GPHN: variants seen among roughly 807,000 people sequenced by gnomAD.
The protein encoded by GPHN is gephyrin.
GPHN carries 17 observed loss-of-function variants against 95.5 expected under a neutral mutation model. The ratio of observed to expected loss-of-function variants is 0.18; its 90% CI spans 0.12 to 0.27. GPHN has a LOEUF of 0.27. Among genes scored for constraint, GPHN ranks in the 10% least tolerant of loss-of-function variants. The pLI, the probability that GPHN is intolerant of heterozygous loss-of-function variation, is 1.00. For missense variants in GPHN, 660 were observed against 978.1 expected (o/e 0.67, Z 4.34); for synonymous variants, 320 against 322.5 (o/e 0.99, Z 0.08).
chr14:67,046,900 A>G (rs1319333092), intron 10 of GPHN, among the ~76,000 whole-genome samples: 1 of 152,184 alleles, frequency 6.6e-6, no homozygotes, highest in Non-Finnish European at 1.5e-5. Context: ...TGCTTTGTAT[A>G]TCTGAACACA....
At chr14:66,860,755 G>T (rs2062992385) in intron 4 of GPHN, among the ~76,000 whole-genome samples, 1 of 151,970 alleles carries the variant, frequency 6.6e-6, no homozygotes, top group African/African-American at 2.4e-5. Context: ...TTAAAGTGTA[G>T]CATTTTTATG....
chr14:66,680,202 C>T (rs958339372), intron 1 of GPHN, among the ~76,000 whole-genome samples: 4 of 152,180 alleles, frequency 2.6e-5, no homozygotes, highest in Admixed American at 1.3e-4. Flanking sequence ...TATTTATATA[C>T]TGTAAAATTG....
chr14:66,673,573 A>G (rs1382443343), intron 1 of GPHN, among the ~76,000 whole-genome samples: 1 of 152,250 alleles, frequency 6.6e-6, no homozygotes, highest in East Asian at 1.9e-4. Context: ...ACATGTGTAT[A>G]TAAGCCTACA....
intron 17 of GPHN, among the ~76,000 whole-genome samples, chr14:67,137,366 CGATCTCCTGACCTCGT>C (rs1046996998): frequency 2.7e-4 from 41 of 151,894 alleles, no homozygotes; most frequent in African/African-American, 9.6e-4. Flanking sequence ...AGAATGGTCC[CGATCTCCTGACCTCGT>C]GATCCACCTG....
chr14:66,885,161 T>C (rs2064126495), intron 5 of GPHN, among the ~76,000 whole-genome samples: 1 of 152,090 alleles, frequency 6.6e-6, no homozygotes, highest in Non-Finnish European at 1.5e-5. Context: ...ACTATCATCT[T>C]AAAGAGTTTC....
chr14:67,022,716 C>G (rs535650980), intron 9 of GPHN, among the ~76,000 whole-genome samples: 1 of 149,718 alleles, frequency 6.7e-6, no homozygotes, highest in East Asian at 2.0e-4. Flanking sequence ...TGCAACATTC[C>G]TTTCATAAGT....
chr14:67,647,738 C>T, the GPHN span: 50 of 242,112 alleles, frequency 2.1e-4, no homozygotes, highest in African/African-American at 1.0e-3. Flanking sequence ...GAAGAAATCT[C>T]TCTATTGACA....
At chr14:67,007,219 T>G (rs953451177) in intron 9 of GPHN, among the ~76,000 whole-genome samples, 1 of 152,200 alleles carries the variant, frequency 6.6e-6, no homozygotes, top group Admixed American at 6.5e-5. Context: ...AGTTTCACCT[T>G]GAAAATATAA....
the GPHN span, among the ~76,000 whole-genome samples, chr14:67,446,871 A>G: frequency 6.6e-6 from 1 of 152,188 alleles, no homozygotes; most frequent in Non-Finnish European, 1.5e-5. Flanking sequence ...TTTGTAAAAG[A>G]AAGTTTTTTT....
At chr14:66,867,453 A>T (rs2063269930) in intron 4 of GPHN, among the ~76,000 whole-genome samples, 1 of 152,158 alleles carries the variant, frequency 6.6e-6, no homozygotes, top group Non-Finnish European at 1.5e-5. Flanking sequence ...ATGAGAAAAA[A>T]ATAGATTTAT....
the GPHN span, among the ~76,000 whole-genome samples, chr14:67,192,939 G>T: frequency 1.2e-4 from 17 of 143,358 alleles, no homozygotes; most frequent in Non-Finnish European, 1.8e-4. Context: ...TAGATATCTA[G>T]ATAAATATCT....
chr14:66,639,835 A>G (rs1191875033), intron 1 of GPHN, among the ~76,000 whole-genome samples: 1 of 152,160 alleles, frequency 6.6e-6, no homozygotes. Flanking sequence ...ACAAATTTTA[A>G]CAGATATATA....
At chr14:66,842,125 T>C (rs1343175613) in intron 4 of GPHN, among the ~76,000 whole-genome samples, 1 of 145,826 alleles carries the variant, frequency 6.9e-6, no homozygotes, top group African/African-American at 2.6e-5. Context: ...TAGACTTCAG[T>C]AGGAAAATCT....
the GPHN span, among the ~76,000 whole-genome samples, chr14:67,275,970 C>T: frequency 6.6e-6 from 1 of 152,020 alleles, no homozygotes; most frequent in African/African-American, 2.4e-5. Flanking sequence ...GGTGATACCC[C>T]CTTTATCATT....
the GPHN span, among the ~76,000 whole-genome samples, chr14:67,265,466 G>C: frequency 2.0e-5 from 3 of 152,278 alleles, no homozygotes; most frequent in Middle Eastern, 6.8e-3. Context: ...TGAGGTGGGA[G>C]GGTTGCATGA....
the GPHN span, among the ~76,000 whole-genome samples, chr14:67,627,759 A>G: frequency 6.6e-6 from 1 of 152,246 alleles, no homozygotes; most frequent in South Asian, 2.1e-4. Flanking sequence ...ATGTAGCAAG[A>G]CCCCATCTCT....
At chr14:67,578,691 G>C in the GPHN span, 5 of 1,058,742 alleles carry the variant, frequency 4.7e-6, no homozygotes, top group Non-Finnish European at 7.2e-6. The surrounding 1 kb of genome is among the most constrained non-coding windows in gnomAD (Gnocchi z 5.0). Context: ...GCATGAATAA[G>C]AGGGATGAGA....
chr14:66,597,427 G>A (rs2062029721), intron 1 of GPHN, among the ~76,000 whole-genome samples: 1 of 152,204 alleles, frequency 6.6e-6, no homozygotes, highest in Non-Finnish European at 1.5e-5. Context: ...GGAGGGGGCT[G>A]AGGCAGCATG....
intron 5 of GPHN, among the ~76,000 whole-genome samples, chr14:66,883,601 A>G (rs1405151872): frequency 6.6e-6 from 1 of 152,104 alleles, no homozygotes; most frequent in East Asian, 1.9e-4. Context: ...CATTTTGAAC[A>G]CTGCATTGTA....
Sources: allele counts gnomAD v4.1 joint callset (sites outside exome capture counted in the v4.1 genomes callset), GRCh38; gene constraint gnomAD v4.1.1; non-coding constraint Gnocchi (gnomAD v3.1); transcripts MANE v1.5; gene names NCBI Gene and HGNC (gene_info 2026-07-23, HGNC 2026-07-21).